Variants in SUFU observed in about 807,000 individuals in gnomAD.
SUFU encodes SUFU negative regulator of hedgehog signaling.
In SUFU, 7 loss-of-function variants were observed where a neutral mutation model predicts 58.9. The ratio of observed to expected loss-of-function variants is 0.12; its 90% confidence interval spans 0.07 to 0.22. The LOEUF (loss-of-function observed/expected upper bound fraction) is 0.22. Among genes scored for constraint, SUFU ranks in the 10% least tolerant of loss-of-function variants. The probability of loss-of-function intolerance (pLI) is 1.00; values close to 1 mark genes in which losing one functional copy is unlikely to be tolerated. For synonymous variants in SUFU, 232 were observed against 254.8 expected, an observed-to-expected ratio of 0.91 and a Z score of 0.85; for missense variants, 451 against 641.3, an observed-to-expected ratio of 0.70 and a Z score of 3.20.
At chr10:102,592,392 G>A (rs902526210) in intron 3 of SUFU, among the ~76,000 whole-genome samples, 190 bp from the exon 4 acceptor site, 13 of 152,116 alleles carry the variant, frequency 8.5e-5, no homozygotes, top group Non-Finnish European at 1.6e-4. Context: ...TGGCAAGCAG[G>A]AACAATTTAG....
chr10:102,511,657 C>T (rs1323563750), intron 2 of SUFU, among the ~76,000 whole-genome samples: 1 of 152,008 alleles, frequency 6.6e-6, no homozygotes, highest in Non-Finnish European at 1.5e-5. Flanking sequence ...AGTTACAGAT[C>T]TAGGGGTAAA....
chr10:102,572,754 A>G (rs928764823), intron 3 of SUFU: 6 of 747,168 alleles, frequency 8.0e-6, no homozygotes, highest in Non-Finnish European at 1.2e-5. Context: ...AGCTGGACTC[A>G]GTTTAAATGA....
Position 102,568,895 on chromosome 10 carries a change from A to AT in SUFU, c.454+18789_454+18790insT, listed in dbSNP as rs1328361723. Among the ~76,000 whole-genome samples, 186 of 23,824 alleles carry AT rather than the reference A, an allele frequency of 7.8e-3. 13 individuals are homozygous for AT. The East Asian group carries it at 0.08, about 10-fold the overall frequency. 15.6% of individuals were successfully genotyped at this position (23,824 alleles called of 152,430 possible). A position where few individuals can be genotyped will look rare whatever the true frequency, so the allele number is the denominator to read the frequency against. ...GTCTCAAAAAAAAAAAAAAAAAAAAAAAATATATATATATATATATATATA... is the reference window on the plus strand; with the variant it reads ...GTCTCAAAAAAAAAAAAAAAAAAAAATAAATATATATATATATATATATATA... On this transcript the variant is annotated intron_variant, in intron 3 of 11. Coordinates refer to ENST00000369902, the MANE Select transcript of SUFU (RefSeq NM_016169.4).
Position 102,630,169 on chromosome 10 carries a change from C to A in SUFU, c.*14C>A. The A allele has an allele frequency of 6.2e-7, 1 of 1,610,570 alleles. No individual in the cohort carries two copies. The highest frequency in any genetic ancestry group is 8.5e-7 in the Non-Finnish European group (1 of 1,176,756). On this transcript the variant is annotated 3_prime_UTR_variant, in exon 12 of 12. Coordinates refer to ENST00000369902, the MANE Select transcript of SUFU (RefSeq NM_016169.4). ...CCGCTACACTAGCCTGGGCTGGGCCCTGCAGTGGCCAGCAGGGAGCCCAGC... is the reference window on the plus strand; with the variant it reads ...CCGCTACACTAGCCTGGGCTGGGCCATGCAGTGGCCAGCAGGGAGCCCAGC...
intron 3 of SUFU, among the ~76,000 whole-genome samples, chr10:102,559,994 A>G (rs1420005834): frequency 6.6e-6 from 1 of 152,188 alleles, no homozygotes; most frequent in Non-Finnish European, 1.5e-5. Context: ...CTGGGATGGC[A>G]CTGCATGAGT....
At position 102,504,323 on chromosome 10, in the gene SUFU, C is replaced by T. The variant is rs1283661186; in HGVS notation, c.171C>T (p.Ile57=). The part of the protein sequence containing the change: ...DQPNPLQVTA[I]VKYWLGGPDP... Reference sequence around the variant, plus strand: ...CGAACCCGCTCCAGGTTACCGCTATCGTCAAGTACTGGTATGCTCTGGGCC... The same window carrying T: ...CGAACCCGCTCCAGGTTACCGCTATTGTCAAGTACTGGTATGCTCTGGGCC... The change falls in exon 1 of 12, where the codon ATC becomes ATT. Residue 57 remains isoleucine (I), a synonymous_variant. Coordinates refer to ENST00000369902, the MANE Select transcript of SUFU (RefSeq NM_016169.4). The T allele has an allele frequency of 1.2e-6, 2 of 1,614,114 alleles. No homozygotes were observed. The highest frequency in any genetic ancestry group is 1.6e-4 in the Middle Eastern group (1 of 6,062).
chr10:102,587,408 C>A (rs957073785), intron 3 of SUFU, among the ~76,000 whole-genome samples: 3 of 152,062 alleles, frequency 2.0e-5, no homozygotes, highest in African/African-American at 7.2e-5. Flanking sequence ...TAATAGTCAC[C>A]CTAATGGGTA....
At chr10:102,517,626 G>T (rs572092856) in intron 2 of SUFU, among the ~76,000 whole-genome samples, 1 of 152,262 alleles carries the variant, frequency 6.6e-6, no homozygotes, top group East Asian at 1.9e-4. Context: ...TCTGGCCTTT[G>T]GCCCTTGACT....
At chr10:102,594,562 C>G (rs1407277903) in intron 6 of SUFU, among the ~76,000 whole-genome samples, 1 of 152,184 alleles carries the variant, frequency 6.6e-6, no homozygotes, top group Non-Finnish European at 1.5e-5. Flanking sequence ...CAGTCAGATG[C>G]AGAGCTCCTA....
At position 102,593,981 on chromosome 10, in the gene SUFU, C is replaced by T. The variant is rs1211187751; in HGVS notation, c.684-12C>T. ...CCTCAGTTACCATTGTATCCCCTTT[C>T]CTTGTCCACAGTGCTGGCGGCCCCT... On this transcript the variant is annotated splice_polypyrimidine_tract_variant and intron_variant, in intron 5 of 11. Transcript: ENST00000369902. 4 of 1,614,056 alleles carry T rather than the reference C, an allele frequency of 2.5e-6. No homozygotes were observed. The African/African-American group carries it at 5.3e-5, about 22-fold the overall frequency.
intron 3 of SUFU, chr10:102,572,988 T>C (rs1399831280): frequency 1.5e-6 from 2 of 1,346,754 alleles, no homozygotes; most frequent in Non-Finnish European, 2.1e-6. Flanking sequence ...CAGTGGTCAG[T>C]GGAAACTTGA....
At chr10:102,596,893 G>A (rs2063468035) in intron 6 of SUFU, among the ~76,000 whole-genome samples, 1 of 152,088 alleles carries the variant, frequency 6.6e-6, no homozygotes, top group Admixed American at 6.5e-5. Context: ...TGTTTCCCTT[G>A]GGATTTGCAT....
chr10:102,631,959 C>T lies in SUFU; in HGVS notation c.*1804C>T, dbSNP rs1048388647. On this transcript the variant is annotated 3_prime_UTR_variant, in exon 12 of 12. Transcript: ENST00000369902. ...TGAGGACTTACCAGAGGGAGCCCTACTGGCCTTCCCCCACCACAGCAGCCC... is the reference window on the plus strand; with the variant it reads ...TGAGGACTTACCAGAGGGAGCCCTATTGGCCTTCCCCCACCACAGCAGCCC... 3 of 233,244 alleles carry T rather than the reference C, an allele frequency of 1.3e-5. No individual in the cohort carries two copies. The highest frequency in any genetic ancestry group is 1.1e-4 in the Admixed American group (2 of 17,790). The allele number at this position is 233,244 out of a possible 1,614,324, so 14.4% of individuals were successfully genotyped here. A position where few individuals can be genotyped will look rare whatever the true frequency, so the allele number is the denominator to read the frequency against.
In SUFU at chr10:102,512,374, T is replaced by C. The variant is rs376990534; in HGVS notation, c.317+3071T>C. On this transcript the variant is annotated intron_variant, in intron 2 of 11. Transcript: ENST00000369902. ...AGTGCAGCTAGCCTGTACCTTTTTG[T>C]TGACAGATTTATTCTGGTTAAAAGA... Among the ~76,000 whole-genome samples the C allele has an allele frequency of 1.1e-4, 16 of 152,362 alleles. No homozygotes were observed. In the East Asian group the frequency reaches 2.9e-3, roughly 28 times the overall value.
intron 5 of SUFU, 78 bp from the exon 6 acceptor site, chr10:102,593,915 C>G: frequency 6.4e-7 from 1 of 1,555,274 alleles, no homozygotes; most frequent in Non-Finnish European, 8.9e-7. Flanking sequence ...CCTGGGGCAG[C>G]AAACAGGGCA....
intron 2 of SUFU, among the ~76,000 whole-genome samples, chr10:102,509,919 C>A (rs1432593633): frequency 6.6e-6 from 1 of 151,998 alleles, no homozygotes; most frequent in Non-Finnish European, 1.5e-5. Context: ...TTCACTGCAG[C>A]CTCGACCTCC....
chr10:102,549,234 T>C (rs561363733), intron 2 of SUFU, among the ~76,000 whole-genome samples: 49 of 152,270 alleles, frequency 3.2e-4, no homozygotes, highest in African/African-American at 1.2e-3. Context: ...GATTGGGTAA[T>C]TTATAAAGGA....
At chr10:102,508,839 C>A (rs2062362640) in intron 1 of SUFU, among the ~76,000 whole-genome samples, 1 of 152,164 alleles carries the variant, frequency 6.6e-6, no homozygotes, top group African/African-American at 2.4e-5. Flanking sequence ...ACAGGCACCA[C>A]AGAAGAGAGA....
intron 2 of SUFU, among the ~76,000 whole-genome samples, chr10:102,545,859 A>G (rs2062849631): frequency 6.6e-6 from 1 of 152,170 alleles, no homozygotes; most frequent in Non-Finnish European, 1.5e-5. Context: ...CTGTAATCCC[A>G]GCTACTCAGG....
Sources: gnomAD v4.1 joint callset for allele counts (sites outside exome capture counted in the v4.1 genomes callset) on GRCh38, gnomAD v4.1.1 for gene constraint, MANE v1.5 for transcripts, NCBI Gene and HGNC (gene_info 2026-07-23, HGNC 2026-07-21) for gene names.